CADM2: variants seen among roughly 807,000 people sequenced by gnomAD.
CADM2 encodes immunoglobulin superfamily member 4D.
CADM2 carries 12 observed loss-of-function variants against 49.8 expected under a neutral mutation model. The observed-to-expected ratio is 0.24, with a 90% CI of 0.15 to 0.39. CADM2 has a LOEUF of 0.39. CADM2 is among the 10% of genes least tolerant of loss of function. CADM2 has a pLI of 1.00. For missense variants in CADM2, 378 were observed against 492.3 expected (o/e 0.77, Z 2.20); for synonymous variants, 214 against 175.4 (o/e 1.22, Z -1.74).
chr3:86,043,451 A>G (rs1290400781), intron 8 of CADM2, among the ~76,000 whole-genome samples: 1 of 152,350 alleles, frequency 6.6e-6, no homozygotes, highest in East Asian at 1.9e-4. Flanking sequence ...CAGCCAAATC[A>G]TGAGTGAACT....
intron 1 of CADM2, among the ~76,000 whole-genome samples, chr3:84,965,595 A>G (rs2030915235): frequency 6.6e-6 from 1 of 152,236 alleles, no homozygotes; most frequent in Non-Finnish European, 1.5e-5. Flanking sequence ...CTTCCAAACT[A>G]TCGGGAACAT....
intron 1 of CADM2, among the ~76,000 whole-genome samples, chr3:85,519,736 A>G (rs1328282542): frequency 1.3e-5 from 2 of 152,130 alleles, no homozygotes; most frequent in Non-Finnish European, 2.9e-5. Flanking sequence ...ACATTGAGTT[A>G]ATTATAGAGT....
chr3:85,256,499 A>C (rs2042889279), intron 1 of CADM2, among the ~76,000 whole-genome samples: 1 of 152,134 alleles, frequency 6.6e-6, no homozygotes, highest in Non-Finnish European at 1.5e-5. Flanking sequence ...GGGCGAAGCT[A>C]AACCAATAGA....
intron 1 of CADM2, among the ~76,000 whole-genome samples, chr3:84,971,852 A>G (rs1340775284): frequency 3.3e-5 from 5 of 152,044 alleles, no homozygotes; most frequent in Non-Finnish European, 5.9e-5. Flanking sequence ...AATTCTCATC[A>G]CCTAGCCATA....
intron 1 of CADM2, among the ~76,000 whole-genome samples, chr3:85,045,063 TG>T (rs1316645171): frequency 1.3e-5 from 2 of 152,274 alleles, no homozygotes; most frequent in East Asian, 3.9e-4. Context: ...TGTTTATTGT[TG>T]GTTTCCAGAA....
At chr3:85,373,240 A>G (rs2033380012) in intron 1 of CADM2, among the ~76,000 whole-genome samples, 1 of 152,154 alleles carries the variant, frequency 6.6e-6, no homozygotes, top group African/African-American at 2.4e-5. Context: ...CCCATTCCAA[A>G]TGGGATAAAT....
At chr3:86,013,591 T>C in intron 8 of CADM2, 1 of 1,601,200 alleles carries the variant, frequency 6.2e-7, no homozygotes, top group African/African-American at 1.3e-5. Context: ...GAAGAAACTC[T>C]CAGGGAAGAG....
At chr3:85,540,686 A>T (rs1308810280) in intron 1 of CADM2, among the ~76,000 whole-genome samples, 1 of 152,272 alleles carries the variant, frequency 6.6e-6, no homozygotes, top group Non-Finnish European at 1.5e-5. Context: ...CATTTGCAAA[A>T]GGCATTTTAT....
At chr3:85,481,113 A>G (rs1047420172) in intron 1 of CADM2, among the ~76,000 whole-genome samples, 1 of 151,258 alleles carries the variant, frequency 6.6e-6, no homozygotes, top group Non-Finnish European at 1.5e-5. Flanking sequence ...AATGTTTTCA[A>G]TTATCAGTTT....
chr3:85,337,763 A>C (rs1422478257), intron 1 of CADM2, among the ~76,000 whole-genome samples: 1 of 151,514 alleles, frequency 6.6e-6, no homozygotes, highest in Non-Finnish European at 1.5e-5. Context: ...GCAGACCGGC[A>C]TGCTAAATGA....
intron 1 of CADM2, among the ~76,000 whole-genome samples, chr3:84,968,429 G>A (rs1391150478): frequency 6.6e-6 from 1 of 151,988 alleles, no homozygotes; most frequent in African/African-American, 2.4e-5. Context: ...GGATCATGTG[G>A]GATAGAACAG....
At chr3:85,539,087 C>T (rs1204380699) in intron 1 of CADM2, among the ~76,000 whole-genome samples, 7 of 150,976 alleles carry the variant, frequency 4.6e-5, no homozygotes, top group Admixed American at 1.3e-4. Context: ...ATAACCTTCT[C>T]GGTTTAAATG....
chr3:85,388,504 T>C (rs1576465151), intron 1 of CADM2, among the ~76,000 whole-genome samples: 1 of 152,290 alleles, frequency 6.6e-6, no homozygotes. Flanking sequence ...CAGCTACATA[T>C]GTGTGTGTCT....
intron 1 of CADM2, among the ~76,000 whole-genome samples, chr3:85,503,363 T>G (rs1004269159): frequency 1.3e-5 from 2 of 152,188 alleles, no homozygotes; most frequent in African/African-American, 4.8e-5. Context: ...TATTTAAGGA[T>G]GAATTGTAAA....
intron 1 of CADM2, among the ~76,000 whole-genome samples, chr3:85,033,185 G>T (rs901293655): frequency 1.3e-5 from 2 of 152,182 alleles, no homozygotes; most frequent in Non-Finnish European, 2.9e-5. Context: ...ACAAAAATAT[G>T]AAATTAACTA....
chr3:85,051,918 T>A (rs747944067), intron 1 of CADM2, among the ~76,000 whole-genome samples: 3 of 152,166 alleles, frequency 2.0e-5, no homozygotes, highest in Non-Finnish European at 2.9e-5. Flanking sequence ...AGGGATTTTT[T>A]AAATTACACT....
At chr3:85,371,661 A>ATGTG (rs760996256) in intron 1 of CADM2, among the ~76,000 whole-genome samples, 7,085 of 53,040 alleles carry the variant, frequency 0.13, 1,017 homozygotes, top group East Asian at 0.3. Context: ...ATATATATAT[A>ATGTG]TGTGTGTGTG....
chr3:85,299,577 C>A (rs1369901628), intron 1 of CADM2, among the ~76,000 whole-genome samples: 1 of 151,986 alleles, frequency 6.6e-6, no homozygotes, highest in Admixed American at 6.6e-5. Flanking sequence ...CTTAAGTGTG[C>A]TAGTTTATGT....
intron 1 of CADM2, among the ~76,000 whole-genome samples, chr3:85,524,259 G>A (rs2061104480): frequency 6.6e-6 from 1 of 151,794 alleles, no homozygotes; most frequent in South Asian, 2.1e-4. Context: ...TCTATTTTTT[G>A]TGTATAATTT....
Sources: gnomAD v4.1 joint callset for allele counts (sites outside exome capture counted in the v4.1 genomes callset) on GRCh38, gnomAD v4.1.1 for gene constraint, MANE v1.5 for transcripts, NCBI Gene and HGNC (gene_info 2026-07-23, HGNC 2026-07-21) for gene names.